The following MAGI2 variants were observed in gnomAD, a reference collection of about 807,000 sequenced individuals.
MAGI2 encodes the protein membrane associated guanylate kinase, WW and PDZ domain containing 2, also known as membrane-associated guanylate kinase, WW and PDZ domain-containing protein 2.
In MAGI2, 35 loss-of-function variants were observed where a neutral mutation model predicts 133.3. That is an observed-to-expected ratio of 0.26 (90% CI 0.20 to 0.35). MAGI2 has a LOEUF of 0.35. Among genes scored for constraint, MAGI2 ranks in the 10% least tolerant of loss-of-function variants. The pLI is 1.00. For missense variants in MAGI2, 1,636 were observed against 1,863.4 expected (o/e 0.88, Z 2.25); for synonymous variants, 729 against 710.6 (o/e 1.03, Z -0.41).
intron 3 of MAGI2, among the ~76,000 whole-genome samples, chr7:78,537,179 A>ACACACACACACC (rs1798028123): frequency 7.6e-6 from 1 of 131,824 alleles, no homozygotes; most frequent in Non-Finnish European, 1.8e-5. Context: ...CTACACACAC[A>ACACACACACACC]CACACACACA....
chr7:78,290,781 A>G (rs1796622446), intron 9 of MAGI2, among the ~76,000 whole-genome samples: 1 of 152,250 alleles, frequency 6.6e-6, no homozygotes, highest in South Asian at 2.1e-4. Context: ...CAGGATTAAG[A>G]AACTCACTCA....
intron 7 of MAGI2, among the ~76,000 whole-genome samples, chr7:78,360,022 A>G (rs113920298): frequency 1.2e-3 from 187 of 152,352 alleles, no homozygotes; most frequent in African/African-American, 4.4e-3. Context: ...TTCCCTGCAT[A>G]TTGATAAAGA....
In MAGI2 at chr7:79,063,385, T is replaced by C. The variant is rs147269186; in HGVS notation, c.302-56179A>G. 6.6e-5 allele frequency among the ~76,000 whole-genome samples: 10 copies of C among 152,268 alleles called. No homozygotes were observed. The East Asian group carries it at 1.9e-3, about 29-fold the overall frequency. On this transcript the variant is annotated intron_variant, in intron 1 of 21. Transcript: ENST00000354212. ...TTCTTCTATTTAAACAAAATATGTA[T>C]TTTTTATGTCAAAAGGATTACATTA...
At chr7:79,028,561 C>G (rs1415522032) in intron 1 of MAGI2, among the ~76,000 whole-genome samples, 1 of 151,796 alleles carries the variant, frequency 6.6e-6, no homozygotes, top group Admixed American at 6.6e-5. Flanking sequence ...CAGAACGTTA[C>G]TATCTTATTA....
At chr7:78,141,851 G>A (rs1258251005) in intron 16 of MAGI2, among the ~76,000 whole-genome samples, 1 of 152,162 alleles carries the variant, frequency 6.6e-6, no homozygotes, top group East Asian at 1.9e-4. Flanking sequence ...TCACGTTGCT[G>A]AGGGCAGAAA....
intron 9 of MAGI2, among the ~76,000 whole-genome samples, chr7:78,263,496 G>T (rs1039063278): frequency 6.6e-6 from 1 of 152,130 alleles, no homozygotes; most frequent in Admixed American, 6.6e-5. Context: ...AAATAGCAAA[G>T]AGAAGCCCAA....
intron 15 of MAGI2, among the ~76,000 whole-genome samples, chr7:78,164,097 C>T (rs1309981795): frequency 6.6e-6 from 1 of 152,068 alleles, no homozygotes; most frequent in African/African-American, 2.4e-5. Flanking sequence ...CTTGCAAATA[C>T]CTCATTTACT....
In MAGI2 at chr7:78,463,255, C is replaced by T. The variant is rs538412972; in HGVS notation, c.1045+26506G>A. Among the ~76,000 whole-genome samples the T allele has an allele frequency of 4.7e-4, 71 of 152,248 alleles. 1 individual carries two copies. The South Asian group carries it at 0.013, about 28-fold the overall frequency. On this transcript the variant is annotated intron_variant, in intron 6 of 21. Coordinates refer to ENST00000354212, the MANE Select transcript of MAGI2 (RefSeq NM_012301.4). ...ACCACGAAAGCAGGAGAGACACCAA[C>T]GAGGCATTTGCTGAGCACTGCCGTG...
At chr7:79,384,976 G>T (rs1364462364) in intron 1 of MAGI2, among the ~76,000 whole-genome samples, 1 of 151,620 alleles carries the variant, frequency 6.6e-6, no homozygotes, top group Non-Finnish European at 1.5e-5. Flanking sequence ...TAAAGGTATA[G>T]TTGTATTAAT....
intron 1 of MAGI2, among the ~76,000 whole-genome samples, chr7:79,210,407 T>C (rs1212902485): frequency 3.3e-5 from 5 of 152,112 alleles, no homozygotes; most frequent in African/African-American, 4.8e-5. Flanking sequence ...ATTCCTATTT[T>C]AGGCTTACTC....
At chr7:78,335,994 C>G (rs1253569879) in intron 9 of MAGI2, among the ~76,000 whole-genome samples, 1 of 152,000 alleles carries the variant, frequency 6.6e-6, no homozygotes, top group African/African-American at 2.4e-5. Context: ...ATGTCTAAAC[C>G]GTTAAATCAA....
chr7:78,072,456 C>G (rs1013862176), intron 21 of MAGI2: 71 of 152,764 alleles, frequency 4.6e-4, no homozygotes, highest in Admixed American at 5.9e-4. Context: ...TCAGTGCCTG[C>G]AAAGCATCCT....
At chr7:78,316,554 C>T (rs1414548689) in intron 9 of MAGI2, among the ~76,000 whole-genome samples, 1 of 152,156 alleles carries the variant, frequency 6.6e-6, no homozygotes, top group Non-Finnish European at 1.5e-5. Flanking sequence ...CTACTATTAA[C>T]TTATCAATGC....
At chr7:78,275,261 C>T (rs1022321441) in intron 9 of MAGI2, among the ~76,000 whole-genome samples, 30 of 152,162 alleles carry the variant, frequency 2.0e-4, no homozygotes, top group African/African-American at 7.0e-4. Flanking sequence ...TTTGGCTTGC[C>T]CTCTGTGGGC....
chr7:78,132,763 G>C, intron 18 of MAGI2, 126 bp downstream of exon 18: 2 of 1,363,990 alleles, frequency 1.5e-6, no homozygotes, highest in Non-Finnish European at 2.1e-6. Flanking sequence ...ATCACACAAA[G>C]GTATGCACGG....
rs1834634630 is a variant in MAGI2 at position 79,268,371 on chromosome 7, T to A, written c.301+184649A>T. On this transcript the variant is annotated intron_variant, in intron 1 of 21. Transcript: ENST00000354212. ...AATCTAATAAACAGAACTTATATAG[T>A]TTAATATATTTTTATTGTAAAGGGC... 2.6e-5 allele frequency among the ~76,000 whole-genome samples: 4 copies of A among 152,112 alleles called. No individual in the cohort carries two copies. In the South Asian group the frequency reaches 8.3e-4, roughly 31 times the overall value.
intron 1 of MAGI2, among the ~76,000 whole-genome samples, chr7:79,221,553 A>C (rs1337772227): frequency 6.6e-6 from 1 of 152,020 alleles, no homozygotes. Flanking sequence ...TTTTTGAGTG[A>C]AGCTGATCAC....
intron 2 of MAGI2, among the ~76,000 whole-genome samples, chr7:78,692,501 C>T (rs1362711706): frequency 2.0e-5 from 3 of 151,972 alleles, no homozygotes; most frequent in Non-Finnish European, 4.4e-5. Flanking sequence ...AGTAAGTCTG[C>T]TCTCGTTTCA....
chr7:78,719,636 C>A (rs1480994185), intron 2 of MAGI2, among the ~76,000 whole-genome samples: 2 of 152,172 alleles, frequency 1.3e-5, no homozygotes, highest in African/African-American at 4.8e-5. Context: ...CGACAAAGGT[C>A]ATGCCAAGGG....
Sources: allele counts gnomAD v4.1 joint callset (sites outside exome capture counted in the v4.1 genomes callset), GRCh38; gene constraint gnomAD v4.1.1; transcripts MANE v1.5; gene names NCBI Gene and HGNC (gene_info 2026-07-23, HGNC 2026-07-21).